The following PDZD8 variants were observed in gnomAD, a reference collection of about 807,000 sequenced individuals.
PDZD8 encodes the protein PDZ domain-containing protein 8.
PDZD8 carries 14 observed loss-of-function variants against 85.8 expected under a neutral mutation model. That is an observed-to-expected ratio of 0.16 (90% CI 0.11 to 0.26). The LOEUF (loss-of-function observed/expected upper bound fraction) is 0.26, where lower values mean the gene tolerates loss of function less well. Ranked by LOEUF, PDZD8 falls within the 10% of genes least tolerant of loss-of-function variation. PDZD8 has a pLI of 1.00. For missense variants in PDZD8, 1,197 were observed against 1,424.3 expected, an observed-to-expected ratio of 0.84 and a Z score of 2.57; for synonymous variants, 592 against 568.6, an observed-to-expected ratio of 1.04 and a Z score of -0.59.
In PDZD8 at chr10:117,374,969, G is replaced by C. The variant is rs773816941; in HGVS notation, c.259C>G (p.Pro87Ala). Reference sequence around the variant, plus strand: ...CAAGTCTCCCGCGTCGGCGGGGCGGGGGTCTCGGGGGCCGCGGTGGGGGTC... The same window carrying C: ...CAAGTCTCCCGCGTCGGCGGGGCGGCGGTCTCGGGGGCCGCGGTGGGGGTC... Reference protein sequence around the residue: ...GATPTAAPETPAPPTRETCYF... With the variant: ...GATPTAAPETAAPPTRETCYF... Residue 87 changes from proline (P) to alanine (A), a missense_variant, in exon 1 of 5, where the codon CCC becomes GCC. By Grantham distance (27) the Pro-to-Ala change is conservative (BLOSUM62 -1). Coordinates refer to ENST00000334464, the MANE Select transcript of PDZD8 (RefSeq NM_173791.5). The surrounding 1 kb of genome is among the most constrained non-coding windows in gnomAD (Gnocchi z 7.8). 14 of 1,605,198 alleles carry C rather than the reference G, an allele frequency of 8.7e-6. No individual in the cohort carries two copies. Among genetic ancestry groups the C allele is most frequent in the South Asian group, 5.5e-5 (5 of 90,412 alleles).
rs1406243840 is a variant in PDZD8, at chr10:117,374,600, G to A, written c.628C>T (p.Leu210=). 1.9e-6 allele frequency: 3 copies of A among 1,589,652 alleles called. No individual in the cohort carries two copies. Among genetic ancestry groups the A allele is most frequent in the African/African-American group, 1.3e-5 (1 of 74,542 alleles). The part of the protein sequence containing the change: ...GGFHLAIDVD[L]VFGKSAYLFV... ...AAGTAGGCGGACTTGCCGAAGACCA[G>A]GTCCACGTCGATGGCCAGGTGGAAG... is the stretch of plus-strand genomic sequence containing the variant. The change falls in exon 1 of 5, where the codon CTG becomes TTG. Residue 210 remains leucine (L), a synonymous_variant. Coordinates refer to ENST00000334464, the MANE Select transcript of PDZD8 (RefSeq NM_173791.5). The surrounding 1 kb of genome is among the most constrained non-coding windows in gnomAD (Gnocchi z 7.8).
At chr10:117,352,777 A>G (rs970878077) in intron 1 of PDZD8, among the ~76,000 whole-genome samples, 4 of 152,186 alleles carry the variant, frequency 2.6e-5, no homozygotes, top group African/African-American at 7.2e-5. Context: ...ATAGAGGAAG[A>G]GTTTAATAGA....
intron 2 of PDZD8, among the ~76,000 whole-genome samples, chr10:117,321,929 A>C (rs918750685): frequency 6.6e-6 from 1 of 152,206 alleles, no homozygotes; most frequent in Non-Finnish European, 1.5e-5. Flanking sequence ...ATTGTGAAAA[A>C]TAACCATACA....
rs1367542510 is a variant in PDZD8 at position 117,284,170 on chromosome 10, C to G, written c.2563G>C (p.Asp855His). ...DTQFQNPTWC[D>H]YCKKKVWTKA... ...GTCCAAACTTTTTTCTTACAGTAGTCACACCATGTTGGGTTCTGGAACTGA... is the reference window on the plus strand; with the variant it reads ...GTCCAAACTTTTTTCTTACAGTAGTGACACCATGTTGGGTTCTGGAACTGA... The change falls in exon 5 of 5, where the codon GAC (aspartate) becomes CAC (histidine). Residue 855 changes from aspartate to histidine, a missense_variant. Around this residue, in one of 4 missense-constraint regions of PDZD8, gnomAD observed 418 missense variants for 571.1 expected, o/e 0.73. Transcript: ENST00000334464. 6.2e-7 allele frequency: 1 copy of G among 1,614,164 alleles called. No homozygotes were observed.
intron 3 of PDZD8, among the ~76,000 whole-genome samples, chr10:117,308,936 A>G (rs971854879): frequency 3.3e-5 from 5 of 152,156 alleles, no homozygotes; most frequent in Admixed American, 3.3e-4. Flanking sequence ...TGGACTGAAT[A>G]TATGTGGACA....
At chr10:117,344,868 A>C (rs10787768) in intron 1 of PDZD8, among the ~76,000 whole-genome samples, 16,051 of 152,068 alleles carry the variant, frequency 0.11, 1,133 homozygotes, top group East Asian at 0.34. Flanking sequence ...CCCAGCCCCC[A>C]CTCATGGAAT....
chr10:117,296,260 G>A (rs1461634228), intron 3 of PDZD8, among the ~76,000 whole-genome samples: 2 of 151,786 alleles, frequency 1.3e-5, no homozygotes, highest in African/African-American at 4.8e-5. Context: ...TATTACAATA[G>A]TATTAAAAAT....
chr10:117,309,406 A>C (rs925244719), intron 3 of PDZD8, among the ~76,000 whole-genome samples: 1 of 151,946 alleles, frequency 6.6e-6, no homozygotes, highest in East Asian at 1.9e-4. Context: ...AAAAAAAAAA[A>C]AACATAGTAG....
chr10:117,321,664 T>G (rs1844227345), intron 2 of PDZD8, among the ~76,000 whole-genome samples: 1 of 152,138 alleles, frequency 6.6e-6, no homozygotes, highest in African/African-American at 2.4e-5. Context: ...ATAAAACAAT[T>G]GAAAGAAAAA....
intron 2 of PDZD8, among the ~76,000 whole-genome samples, chr10:117,327,556 CT>C (rs1844339309): frequency 6.6e-6 from 1 of 152,046 alleles, no homozygotes; most frequent in Admixed American, 6.5e-5. Flanking sequence ...GTTCTGTTTC[CT>C]TGTTTCCACC....
intron 1 of PDZD8, among the ~76,000 whole-genome samples, chr10:117,343,432 A>C (rs1844650984): frequency 6.6e-6 from 1 of 152,180 alleles, no homozygotes; most frequent in Non-Finnish European, 1.5e-5. Context: ...AAATTTTTAG[A>C]GGGAAAAAAA....
In PDZD8 at chr10:117,279,173, T is replaced by A. The variant is rs1844543040; in HGVS notation, c.*4095A>T. On this transcript the variant is annotated 3_prime_UTR_variant, in exon 5 of 5. Coordinates refer to ENST00000334464, the MANE Select transcript of PDZD8 (RefSeq NM_173791.5). ...GATAGCTTGTACTTGGGGAAAAAAA[T>A]TCTAAGTTCTTTTATATGACTAATA... 6.6e-6 allele frequency: 1 copy of A among 152,132 alleles called. No homozygotes were observed. Among genetic ancestry groups the A allele is most frequent in the South Asian group, 2.1e-4 (1 of 4,824 alleles). The allele number at this position is 152,132 out of a possible 1,614,324, so 9.4% of individuals were successfully genotyped here.
rs1844593346 is a variant in PDZD8 at position 117,282,989 on chromosome 10, C to T, written c.*279G>A. The T allele has an allele frequency of 2.8e-6, 1 of 355,418 alleles. No individual in the cohort carries two copies. Among genetic ancestry groups the T allele is most frequent in the African/African-American group, 2.1e-5 (1 of 47,222 alleles). 22.0% of individuals were successfully genotyped at this position (355,418 alleles called of 1,614,324 possible). On this transcript the variant is annotated 3_prime_UTR_variant, in exon 5 of 5. Coordinates refer to ENST00000334464, the MANE Select transcript of PDZD8 (RefSeq NM_173791.5). ...TACATACATAAACATGAAAAGCTAG[C>T]TTACATAATTACATAATTAGAAAAG... is the stretch of plus-strand genomic sequence containing the variant.
chr10:117,338,612 G>A (rs1404255040), intron 2 of PDZD8, among the ~76,000 whole-genome samples: 2 of 152,084 alleles, frequency 1.3e-5, no homozygotes, highest in African/African-American at 4.8e-5. Flanking sequence ...TTCCTTCCCT[G>A]TATACCCCGT....
chr10:117,299,205 T>G (rs1843804944), intron 3 of PDZD8, among the ~76,000 whole-genome samples: 1 of 152,198 alleles, frequency 6.6e-6, no homozygotes, highest in South Asian at 2.1e-4. Context: ...TCTACAAATT[T>G]AATAGTTTTA....
chr10:117,336,644 A>AT (rs921638985), intron 2 of PDZD8, among the ~76,000 whole-genome samples: 1 of 152,062 alleles, frequency 6.6e-6, no homozygotes, highest in Non-Finnish European at 1.5e-5. Flanking sequence ...TAAAAAAAAA[A>AT]GACAAAAAAA....
chr10:117,361,283 T>C (rs1844994869), intron 1 of PDZD8, among the ~76,000 whole-genome samples: 1 of 152,176 alleles, frequency 6.6e-6, no homozygotes, highest in African/African-American at 2.4e-5. Flanking sequence ...ACCCATTACC[T>C]TACTTTAAGT....
intron 2 of PDZD8, among the ~76,000 whole-genome samples, chr10:117,340,108 G>A (rs1425558061): frequency 6.6e-6 from 1 of 152,162 alleles, no homozygotes; most frequent in East Asian, 1.9e-4. Flanking sequence ...AAAACAAGGA[G>A]GCTAGGCAAG....
At chr10:117,321,566 G>T (rs1451532278) in intron 2 of PDZD8, among the ~76,000 whole-genome samples, 1 of 152,080 alleles carries the variant, frequency 6.6e-6, no homozygotes, top group East Asian at 1.9e-4. Flanking sequence ...AACTCTGACG[G>T]TGGTTATACA....
Sources: allele counts gnomAD v4.1 joint callset (sites outside exome capture counted in the v4.1 genomes callset), GRCh38; gene constraint gnomAD v4.1.1; regional missense constraint gnomAD v4.1.1; non-coding constraint Gnocchi (gnomAD v3.1); transcripts MANE v1.5; gene names NCBI Gene and HGNC (gene_info 2026-07-23, HGNC 2026-07-21).